Variants in MT1M observed in about 807,000 individuals in gnomAD.
MT1M encodes metallothionein 1M, also known as metallothionein-1M.
In MT1M, 11 loss-of-function variants were observed where a neutral mutation model predicts 8.5. The observed-to-expected ratio is 1.29, with a 90% CI of 0.81 to 2.14. The LOEUF is 2.14. Among genes scored for constraint, MT1M ranks in the 30% most tolerant of loss-of-function variants. The pLI is 0.00. For synonymous variants in MT1M, 28 were observed against 30.0 expected, an observed-to-expected ratio of 0.93 and a Z score of 0.22; for missense variants, 84 against 76.6, an observed-to-expected ratio of 1.10 and a Z score of -0.36.
chr16:56,633,218 A>T, intron 1 of MT1M, 122 bp from the exon 2 acceptor site: 4 of 1,450,766 alleles, frequency 2.8e-6, no homozygotes, highest in Non-Finnish European at 3.8e-6. Flanking sequence ...GCTTTCCCTG[A>T]GTGGGAAAGG....
chr16:56,632,815 G>A (rs1357065598), intron 1 of MT1M, 56 bp downstream of exon 1: 4 of 1,607,238 alleles, frequency 2.5e-6, no homozygotes, highest in Non-Finnish European at 2.6e-6. Context: ...CCAGTACTGA[G>A]GGTCTCTGGG....
intron 1 of MT1M, 34 bp from the exon 2 acceptor site, chr16:56,633,306 C>A (rs756858695): frequency 2.3e-5 from 37 of 1,614,046 alleles, no homozygotes; most frequent in Non-Finnish European, 3.0e-5. Context: ...CTTCATCTCA[C>A]TCACTGCCCA....
rs1468796963 is a variant in MT1M, at chr16:56,633,076, C to G, written c.29-264C>G. On this transcript the variant is annotated intron_variant, in intron 1 of 2. Transcript: ENST00000379818. ...GACTGGGGGCTGGAGACATTTGAGT[C>G]TTCAGGGTTCAGCACAGAAGGTTCT... Among the ~76,000 whole-genome samples, 11 of 152,304 alleles carry G rather than the reference C, an allele frequency of 7.2e-5. No homozygotes were observed. The South Asian group carries it at 2.3e-3, about 32-fold the overall frequency.
chr16:56,633,666 T>G (rs1465504637), intron 2 of MT1M, 85 bp from the exon 3 acceptor site: 9 of 1,602,338 alleles, frequency 5.6e-6, no homozygotes, highest in East Asian at 4.5e-5. Context: ...TGGGTCTGGG[T>G]TCTGAGCTCC....
chr16:56,632,750 T>C lies in MT1M; in HGVS notation c.19T>C (p.Cys7Arg), dbSNP rs768332357. The part of the protein sequence containing the change: MDPNCS[C>R]TTGVSCACTG... ...GCTCGAAATGGACCCCAACTGCTCC[T>C]GCACCACTGGTAAGAGAAGCCGACC... Residue 7 changes from cysteine to arginine, a missense_variant, in exon 1 of 3, where the codon TGC (cysteine) becomes CGC (arginine). Physicochemically the swap from Cys to Arg is radical, Grantham distance 180. Transcript: ENST00000379818. The C allele has an allele frequency of 1.2e-6, 2 of 1,613,780 alleles. No homozygotes were observed. The highest frequency in any genetic ancestry group is 2.7e-5 in the African/African-American group (2 of 74,948).
intron 2 of MT1M, 49 bp downstream of exon 2, chr16:56,633,454 G>A: frequency 2.5e-6 from 4 of 1,614,230 alleles, no homozygotes; most frequent in African/African-American, 2.7e-5. Context: ...CTGAGATTGG[G>A]AGGGAACCCA....
Position 56,633,911 on chromosome 16 carries a change from A to G in MT1M, c.*69A>G. 6.7e-7 allele frequency: 1 copy of G among 1,488,716 alleles called. No homozygotes were observed. The highest frequency in any genetic ancestry group is 9.2e-7 in the Non-Finnish European group (1 of 1,081,938). The allele number at this position is 1,488,716 out of a possible 1,614,324, so 92.2% of individuals were successfully genotyped here. A position where few individuals can be genotyped will look rare whatever the true frequency, so the allele number is the denominator to read the frequency against. On this transcript the variant is annotated 3_prime_UTR_variant, in exon 3 of 3. Transcript: ENST00000379818. ...ACAACCTGGATTTTTTTTCAATACGATACTGAGCCATTTGCTGCATTTCTT... is the reference window on the plus strand; with the variant it reads ...ACAACCTGGATTTTTTTTCAATACGGTACTGAGCCATTTGCTGCATTTCTT...
intron 2 of MT1M, 111 bp from the exon 3 acceptor site, chr16:56,633,640 C>T (rs538099112): frequency 2.3e-5 from 36 of 1,599,080 alleles, no homozygotes; most frequent in South Asian, 1.5e-4. Flanking sequence ...CTGTGCCAGA[C>T]GTAAAAAGCT....
Position 56,632,779 on chromosome 16 carries a change from C to A in MT1M, c.28+20C>A, listed in dbSNP as rs754270973. ...CCACTGGTAAGAGAAGCCGACCCTG[C>A]GCCCTAGGAATCCCATTTCCCAGCC... On this transcript the variant is annotated intron_variant, in intron 1 of 2. Transcript: ENST00000379818. 2 of 1,613,826 alleles carry A rather than the reference C, an allele frequency of 1.2e-6. No homozygotes were observed. The highest frequency in any genetic ancestry group is 1.1e-5 in the South Asian group (1 of 91,046).
chr16:56,632,784 T>C, intron 1 of MT1M, 25 bp downstream of exon 1: 1 of 1,613,818 alleles, frequency 6.2e-7, no homozygotes, highest in South Asian at 1.1e-5. Context: ...CCCTGCGCCC[T>C]AGGAATCCCA....
In MT1M at chr16:56,633,359, C is replaced by G; in HGVS notation, c.48C>G (p.Thr16=). The change falls in exon 2 of 3, where the codon ACC becomes ACG. Residue 16 remains threonine (T), a synonymous_variant. Coordinates refer to ENST00000379818, the MANE Select transcript of MT1M (RefSeq NM_176870.3). ...TTGCAGGTGTCTCCTGCGCCTGCAC[C>G]GGCTCCTGCACGTGCAAAGAGTGCA... ...SCTTGVSCAC[T]GSCTCKECKC... is the part of the protein sequence containing the mutation. 1.2e-6 allele frequency: 2 copies of G among 1,614,186 alleles called. No homozygotes were observed. Among genetic ancestry groups the G allele is most frequent in the Non-Finnish European group, 1.7e-6 (2 of 1,180,034 alleles).
chr16:56,632,979 C>T (rs1191805293), intron 1 of MT1M, among the ~76,000 whole-genome samples: 2 of 152,226 alleles, frequency 1.3e-5, no homozygotes, highest in Non-Finnish European at 2.9e-5. Flanking sequence ...TCCCGCTCCA[C>T]ATCACCCAGT....
chr16:56,633,585 T>G, intron 2 of MT1M, 166 bp from the exon 3 acceptor site: 1 of 1,597,572 alleles, frequency 6.3e-7, no homozygotes, highest in Non-Finnish European at 8.5e-7. Context: ...ATTTTTCTCT[T>G]GGGACACAAA....
At chr16:56,633,693 G>C (rs1284650765) in intron 2 of MT1M, 58 bp from the exon 3 acceptor site, 2 of 1,607,902 alleles carry the variant, frequency 1.2e-6, no homozygotes, top group African/African-American at 2.7e-5. Flanking sequence ...GCTTGCTATT[G>C]GGGCAGGGCG....
intron 1 of MT1M, among the ~76,000 whole-genome samples, 177 bp downstream of exon 1, chr16:56,632,936 G>A (rs56096004): frequency 0.11 from 16,871 of 152,168 alleles, 1,069 homozygotes; most frequent in Non-Finnish European, 0.14. Context: ...TGGGCCTCTG[G>A]GTCAGAGTTA....
chr16:56,632,861 G>C, intron 1 of MT1M, 102 bp downstream of exon 1: 2 of 1,442,746 alleles, frequency 1.4e-6, no homozygotes, highest in Non-Finnish European at 9.7e-7. Context: ...GAGCGGAAGG[G>C]AATTCCTTTA....
intron 1 of MT1M, 110 bp from the exon 2 acceptor site, chr16:56,633,230 G>A: frequency 2.0e-6 from 3 of 1,511,220 alleles, no homozygotes; most frequent in South Asian, 2.4e-5. Flanking sequence ...TGGGAAAGGA[G>A]CTCTGAGGGC....
Position 56,633,814 on chromosome 16 carries a change from C to T in MT1M, c.158C>T (p.Thr53Met), listed in dbSNP as rs202049373. Residue 53 changes from threonine (T) to methionine (M), a missense_variant, in exon 3 of 3, where the codon ACG (threonine) becomes ATG (methionine). Coordinates refer to ENST00000379818, the MANE Select transcript of MT1M (RefSeq NM_176870.3). Reference protein sequence around the residue: ...KCAHGCVCKGTLENCSCCA With the variant: ...KCAHGCVCKGMLENCSCCA ...GCCCACGGCTGTGTCTGCAAAGGGA[C>T]GTTGGAGAACTGCAGCTGCTGTGCC... 95 of 1,614,070 alleles carry T rather than the reference C, an allele frequency of 5.9e-5. No individual in the cohort carries two copies. The East Asian group carries it at 1.4e-3, about 23-fold the overall frequency.
At chr16:56,632,972 C>T (rs1170967218) in intron 1 of MT1M, among the ~76,000 whole-genome samples, 1 of 152,172 alleles carries the variant, frequency 6.6e-6, no homozygotes, top group African/African-American at 2.4e-5. Flanking sequence ...AAGGCAGTCC[C>T]GCTCCACATC....
Sources: allele counts gnomAD v4.1 joint callset (sites outside exome capture counted in the v4.1 genomes callset), GRCh38; gene constraint gnomAD v4.1.1; transcripts MANE v1.5; gene names NCBI Gene and HGNC (gene_info 2026-07-23, HGNC 2026-07-21).